PLXDC2: variants seen among roughly 807,000 people sequenced by gnomAD.
PLXDC2 encodes plexin domain containing 2.
Under a neutral mutation model 68.9 loss-of-function variants are expected in PLXDC2, and 40 were observed. That is an observed-to-expected ratio of 0.58 (90% CI 0.45 to 0.76). The LOEUF (loss-of-function observed/expected upper bound fraction) is 0.76. Ranked by LOEUF, PLXDC2 falls within the 30% of genes least tolerant of loss-of-function variation. The pLI, the probability that PLXDC2 is intolerant of heterozygous loss-of-function variation, is 0.00. For missense variants in PLXDC2, 644 were observed against 661.9 expected (o/e 0.97, Z 0.30); for synonymous variants, 243 against 234.2 (o/e 1.04, Z -0.34).
intron 1 of PLXDC2, among the ~76,000 whole-genome samples, chr10:19,827,871 T>G: frequency 6.6e-6 from 1 of 152,224 alleles, no homozygotes; most frequent in East Asian, 1.9e-4. Context: ...CATAACAAAT[T>G]GTTAATAGTG....
At chr10:20,130,780 T>C (rs1833857475) in intron 4 of PLXDC2, among the ~76,000 whole-genome samples, 2 of 92,226 alleles carry the variant, frequency 2.2e-5, no homozygotes, top group African/African-American at 5.5e-5. Context: ...TCTATTAATG[T>C]AGTATATCAC....
intron 1 of PLXDC2, among the ~76,000 whole-genome samples, chr10:19,820,942 G>C (rs1365461978): frequency 1.3e-5 from 2 of 152,084 alleles, no homozygotes; most frequent in Non-Finnish European, 2.9e-5. Context: ...GCCGTGTGTG[G>C]TGGTAGACCC....
chr10:19,848,705 C>T lies in PLXDC2; in HGVS notation c.112+31514C>T, dbSNP rs1192585658. On this transcript the variant is annotated intron_variant, in intron 1 of 13. Coordinates refer to ENST00000377252, the MANE Select transcript of PLXDC2 (RefSeq NM_032812.9). ...GAATTTCAAATATTTCCACGAAGTA[C>T]CCACTAGGATTTCAATCCTCCTTCC... 3.3e-5 allele frequency among the ~76,000 whole-genome samples: 5 copies of T among 152,172 alleles called. No homozygotes were observed. The South Asian group carries it at 6.2e-4, about 19-fold the overall frequency.
rs1176860580 is a variant in PLXDC2 at position 20,287,985 on chromosome 10, A to AGGGG, written c.*8174_*8177dup. ...AATTGGGCACTTCTTGCGGCGGGGG[A>AGGGG]GGGGGGGGGGGCGGTGGCTTTCCAG... On this transcript the variant is annotated 3_prime_UTR_variant, in exon 14 of 14. Coordinates refer to ENST00000377252, the MANE Select transcript of PLXDC2 (RefSeq NM_032812.9). 12 of 33,190 alleles carry AGGGG rather than the reference A, an allele frequency of 3.6e-4. No homozygotes were observed. The highest frequency in any genetic ancestry group is 1.1e-3 in the South Asian group (1 of 922). 2.1% of individuals were successfully genotyped at this position (33,190 alleles called of 1,614,324 possible). A position where few individuals can be genotyped will look rare whatever the true frequency, so the allele number is the denominator to read the frequency against.
At chr10:20,171,475 A>G (rs990351388) in intron 7 of PLXDC2, among the ~76,000 whole-genome samples, 1 of 152,162 alleles carries the variant, frequency 6.6e-6, no homozygotes, top group Non-Finnish European at 1.5e-5. Flanking sequence ...AGAAATCATG[A>G]TGTTTTCTCA....
intron 1 of PLXDC2, among the ~76,000 whole-genome samples, chr10:19,817,450 G>A (rs1264837111): frequency 6.6e-6 from 1 of 152,180 alleles, no homozygotes; most frequent in African/African-American, 2.4e-5. Flanking sequence ...TCTCCCCAAA[G>A]TAGCCCAGGG....
At chr10:19,850,647 A>G (rs1837098592) in intron 1 of PLXDC2, among the ~76,000 whole-genome samples, 1 of 152,194 alleles carries the variant, frequency 6.6e-6, no homozygotes, top group Non-Finnish European at 1.5e-5. Flanking sequence ...CATTTAAATT[A>G]CTATCTGTTA....
At chr10:19,929,327 C>T (rs1342555369) in intron 1 of PLXDC2, among the ~76,000 whole-genome samples, 3 of 152,218 alleles carry the variant, frequency 2.0e-5, no homozygotes, top group African/African-American at 7.2e-5. Flanking sequence ...TTGATTCATA[C>T]CCAACCCTCA....
chr10:19,834,817 C>A (rs1456415022), intron 1 of PLXDC2, among the ~76,000 whole-genome samples: 1 of 152,172 alleles, frequency 6.6e-6, no homozygotes, highest in African/African-American at 2.4e-5. Context: ...CAAAATACAG[C>A]CTTTGCCAGG....
chr10:19,996,294 A>G (rs1834841775), intron 1 of PLXDC2, among the ~76,000 whole-genome samples: 1 of 152,164 alleles, frequency 6.6e-6, no homozygotes, highest in Admixed American at 6.5e-5. Flanking sequence ...ATAAAATTAA[A>G]AATTAGTCAG....
rs753706420 is a variant in PLXDC2 at position 20,247,609 on chromosome 10, C to T, written c.1473+2104C>T. 8.5e-5 allele frequency among the ~76,000 whole-genome samples: 13 copies of T among 152,166 alleles called. 1 individual carries two copies. The highest frequency in any genetic ancestry group is 3.3e-4 in the Admixed American group (5 of 15,284). On this transcript the variant is annotated intron_variant, in intron 13 of 13. Coordinates refer to ENST00000377252, the MANE Select transcript of PLXDC2 (RefSeq NM_032812.9). Reference sequence around the variant, plus strand: ...CGGCAGCTGGGTATAATCTCTTTCTCTTCTGAAACTCTATCTGCAGGGATA... The same window carrying T: ...CGGCAGCTGGGTATAATCTCTTTCTTTTCTGAAACTCTATCTGCAGGGATA...
At chr10:19,840,011 G>A (rs1836874215) in intron 1 of PLXDC2, among the ~76,000 whole-genome samples, 1 of 152,112 alleles carries the variant, frequency 6.6e-6, no homozygotes, top group Non-Finnish European at 1.5e-5. Context: ...AAAACTAAAT[G>A]TTAACTAATT....
At chr10:19,966,370 A>AAAAATATTTATGTGCACATATAT in intron 1 of PLXDC2, among the ~76,000 whole-genome samples, 1 of 133,478 alleles carries the variant, frequency 7.5e-6, no homozygotes, top group Non-Finnish European at 1.7e-5. Context: ...CACATATATA[A>AAAAATATTTATGTGCACATATAT]AAAATATATA....
Position 20,280,841 on chromosome 10 carries a change from TAGAA to T in PLXDC2, c.*1027_*1030del. ...GAAGCCATTCACGTCAGCATGGCGA[TAGAA>T]AGAATGAAAAAACCCTGCTGAATCA... is the stretch of plus-strand genomic sequence containing the variant. On this transcript the variant is annotated 3_prime_UTR_variant, in exon 14 of 14. Coordinates refer to ENST00000377252, the MANE Select transcript of PLXDC2 (RefSeq NM_032812.9). 6.6e-6 allele frequency: 1 copy of T among 152,076 alleles called. No individual in the cohort carries two copies. The highest frequency in any genetic ancestry group is 2.4e-5 in the African/African-American group (1 of 41,418). The allele number at this position is 152,076 out of a possible 1,614,324, so 9.4% of individuals were successfully genotyped here. A position where few individuals can be genotyped will look rare whatever the true frequency, so the allele number is the denominator to read the frequency against.
intron 9 of PLXDC2, among the ~76,000 whole-genome samples, chr10:20,198,716 A>G (rs1257480653): frequency 1.3e-5 from 2 of 152,160 alleles, no homozygotes; most frequent in East Asian, 3.9e-4. Context: ...CAACATTTCA[A>G]TAATTCTGCT....
At chr10:19,861,843 G>A (rs1837324635) in intron 1 of PLXDC2, among the ~76,000 whole-genome samples, 1 of 152,252 alleles carries the variant, frequency 6.6e-6, no homozygotes, top group East Asian at 1.9e-4. Context: ...CTCTGAAGTT[G>A]ATGGCTGGAA....
chr10:20,051,428 A>ATATATG (rs1564297012), intron 3 of PLXDC2, among the ~76,000 whole-genome samples: 21 of 53,606 alleles, frequency 3.9e-4, no homozygotes, highest in African/African-American at 1.6e-3. Context: ...ATATATATAT[A>ATATATG]TATATATATA....
In PLXDC2 at chr10:20,145,547, T is replaced by G. The variant is rs560102184; in HGVS notation, c.664+2130T>G. ...ACTTAACATGTGCAAACAGTACACT[T>G]TTTTTTGTTTTTTGTGTTTTGAGAT... On this transcript the variant is annotated intron_variant, in intron 5 of 13. Transcript: ENST00000377252. 9.9e-5 allele frequency among the ~76,000 whole-genome samples: 15 copies of G among 152,156 alleles called. No individual in the cohort carries two copies. In the South Asian group the frequency reaches 1.7e-3, roughly 17 times the overall value.
chr10:20,201,263 G>A (rs563070189), intron 9 of PLXDC2, among the ~76,000 whole-genome samples: 69 of 152,058 alleles, frequency 4.5e-4, no homozygotes, highest in Non-Finnish European at 9.0e-4. Context: ...ATTACATTAA[G>A]TGTTTCACTG....
Sources: allele counts gnomAD v4.1 joint callset (sites outside exome capture counted in the v4.1 genomes callset), GRCh38; gene constraint gnomAD v4.1.1; transcripts MANE v1.5; gene names NCBI Gene and HGNC (gene_info 2026-07-23, HGNC 2026-07-21).